Variants in DLG2 observed in about 807,000 individuals in gnomAD.
DLG2 encodes the protein disks large homolog 2.
Under a neutral mutation model 132.5 loss-of-function variants are expected in DLG2, and 45 were observed. The ratio of observed to expected loss-of-function variants is 0.34; its 90% CI spans 0.27 to 0.44. DLG2 has a LOEUF of 0.44. Among genes scored for constraint, DLG2 ranks in the 20% least tolerant of loss-of-function variants. The pLI, the probability that DLG2 is intolerant of heterozygous loss-of-function variation, is 1.00. For synonymous variants in DLG2, 424 were observed against 419.6 expected (o/e 1.01, Z -0.13); for missense variants, 1,045 against 1,196.9 (o/e 0.87, Z 1.87).
intron 10 of DLG2, among the ~76,000 whole-genome samples, chr11:84,094,315 C>T (rs966560319): frequency 2.6e-5 from 4 of 152,042 alleles, no homozygotes; most frequent in African/African-American, 9.7e-5. Context: ...TGACTTGGCA[C>T]ATTGTAAGCA....
At chr11:84,084,122 A>G (rs2096940774) in intron 10 of DLG2, among the ~76,000 whole-genome samples, 1 of 152,138 alleles carries the variant, frequency 6.6e-6, no homozygotes, top group South Asian at 2.1e-4. Flanking sequence ...AAAGTGACCA[A>G]AGGGCAACTA....
intron 7 of DLG2, among the ~76,000 whole-genome samples, chr11:84,304,312 GA>G (rs2098190627): frequency 6.6e-6 from 1 of 152,196 alleles, no homozygotes; most frequent in African/African-American, 2.4e-5. Context: ...GGGAGACTGA[GA>G]AGGAAACTAA....
intron 6 of DLG2, among the ~76,000 whole-genome samples, chr11:84,583,042 C>T (rs1156355279): frequency 6.6e-6 from 1 of 152,140 alleles, no homozygotes; most frequent in African/African-American, 2.4e-5. Context: ...ATAAGAACTT[C>T]AAGCTTCCTT....
chr11:83,606,788 A>G (rs1385111992), intron 19 of DLG2, among the ~76,000 whole-genome samples: 1 of 152,114 alleles, frequency 6.6e-6, no homozygotes, highest in East Asian at 1.9e-4. Flanking sequence ...TTAACCGGGC[A>G]TGGTGGCGGG....
At position 84,586,019 on chromosome 11, in the gene DLG2, T is replaced by C. The variant is rs192753797; in HGVS notation, c.358-51288A>G. ...TACAAAAACTAGCCGGGCATGATGG[T>C]GCATGCCTGTAATCCCAGCTACTTG... On this transcript the variant is annotated intron_variant, in intron 6 of 27. Coordinates refer to ENST00000376104, the MANE Select transcript of DLG2 (RefSeq NM_001142699.3). Among the ~76,000 whole-genome samples, 254 of 152,118 alleles carry C rather than the reference T, an allele frequency of 1.7e-3. 1 individual carries two copies. The highest frequency in any genetic ancestry group is 3.4e-3 in the Middle Eastern group (1 of 292).
chr11:84,493,551 A>G (rs1402126470), intron 7 of DLG2, among the ~76,000 whole-genome samples: 1 of 152,044 alleles, frequency 6.6e-6, no homozygotes, highest in Non-Finnish European at 1.5e-5. Context: ...ATACTGTAGT[A>G]GTCAGAAAAA....
At chr11:83,654,761 TGGCA>T (rs2071810354) in intron 18 of DLG2, among the ~76,000 whole-genome samples, 1 of 152,224 alleles carries the variant, frequency 6.6e-6, no homozygotes. Context: ...ATTTAATGCA[TGGCA>T]GCATTTTCTT....
At chr11:84,698,359 A>G (rs2058840929) in intron 6 of DLG2, among the ~76,000 whole-genome samples, 1 of 151,536 alleles carries the variant, frequency 6.6e-6, no homozygotes, top group African/African-American at 2.4e-5. Context: ...TTTCCTTCTT[A>G]CAACAGCACA....
In DLG2 at chr11:84,643,786, T is replaced by C. The variant is rs2099671102; in HGVS notation, c.358-109055A>G. 2.0e-5 allele frequency among the ~76,000 whole-genome samples: 3 copies of C among 152,224 alleles called. No individual in the cohort carries two copies. In the South Asian group the frequency reaches 6.2e-4, roughly 32 times the overall value. On this transcript the variant is annotated intron_variant, in intron 6 of 27. Coordinates refer to ENST00000376104, the MANE Select transcript of DLG2 (RefSeq NM_001142699.3). ...AAAATGCCCCTGCAGCCAATGGGCA[T>C]ACAAGCCTGCTTCTTATAAAGCAAT...
At chr11:83,485,816 G>A (rs1161708676) in intron 21 of DLG2, among the ~76,000 whole-genome samples, 12 of 152,034 alleles carry the variant, frequency 7.9e-5, no homozygotes, top group African/African-American at 2.9e-4. Context: ...TGTTCATTTA[G>A]GAAACATTAA....
intron 7 of DLG2, among the ~76,000 whole-genome samples, chr11:84,473,414 T>C (rs1445125789): frequency 2.0e-5 from 3 of 152,036 alleles, no homozygotes; most frequent in African/African-American, 7.2e-5. Context: ...CAGGTGTCTC[T>C]TCTTAAGACA....
At chr11:85,543,118 C>G (rs1306991292) in intron 3 of DLG2, among the ~76,000 whole-genome samples, 4 of 152,056 alleles carry the variant, frequency 2.6e-5, no homozygotes, top group Non-Finnish European at 5.9e-5. Context: ...GGCATTTCTA[C>G]TAATGCTATC....
intron 16 of DLG2, among the ~76,000 whole-genome samples, chr11:83,864,503 G>A (rs533301587): frequency 3.3e-4 from 51 of 152,278 alleles, no homozygotes; most frequent in African/African-American, 1.1e-3. Context: ...TCCTCTTTGA[G>A]CAGTCTAATT....
chr11:84,069,269 C>T (rs1393592991), intron 10 of DLG2, among the ~76,000 whole-genome samples: 2 of 152,102 alleles, frequency 1.3e-5, no homozygotes, highest in East Asian at 3.9e-4. Context: ...TGATTCATTC[C>T]AAAATAAACA....
intron 6 of DLG2, chr11:84,997,245 T>C (rs2444254): frequency 0.71 from 107,807 of 152,548 alleles, 39,118 homozygotes; most frequent in East Asian, 0.92. Flanking sequence ...AAGTTACCTG[T>C]ATTTTTCTTT....
At chr11:85,524,166 T>G (rs1045385926) in intron 3 of DLG2, among the ~76,000 whole-genome samples, 1 of 152,098 alleles carries the variant, frequency 6.6e-6, no homozygotes, top group Admixed American at 6.6e-5. Flanking sequence ...GTGAATAAGA[T>G]CTAGTATTTG....
chr11:85,308,974 C>T (rs564703701), intron 3 of DLG2, among the ~76,000 whole-genome samples: 2 of 152,202 alleles, frequency 1.3e-5, no homozygotes, highest in Admixed American at 6.5e-5. Flanking sequence ...CCATGAGATG[C>T]ATATACTTAC....
intron 5 of DLG2, among the ~76,000 whole-genome samples, chr11:85,127,133 T>C (rs1360237289): frequency 2.0e-5 from 3 of 152,066 alleles, no homozygotes; most frequent in Non-Finnish European, 4.4e-5. Flanking sequence ...AGGGTGCTGA[T>C]CTATCTCTGC....
chr11:83,524,846 G>T (rs536138504), intron 21 of DLG2, among the ~76,000 whole-genome samples: 35 of 152,150 alleles, frequency 2.3e-4, no homozygotes, highest in African/African-American at 7.9e-4. Flanking sequence ...ATTCTTCAAG[G>T]CTCATTTTGA....
Sources: allele counts gnomAD v4.1 joint callset (sites outside exome capture counted in the v4.1 genomes callset), GRCh38; gene constraint gnomAD v4.1.1; transcripts MANE v1.5; gene names NCBI Gene and HGNC (gene_info 2026-07-23, HGNC 2026-07-21).